Variants in ABCB5 observed in about 807,000 individuals in gnomAD.
ABCB5 encodes the protein ATP-binding cassette sub-family B member 5.
ABCB5 carries 155 observed loss-of-function variants against 144.2 expected under a neutral mutation model. The ratio of observed to expected loss-of-function variants is 1.08; its 90% CI spans 0.94 to 1.23. ABCB5 has a LOEUF of 1.23. ABCB5 is among the 50% of genes most tolerant of loss of function. The probability of loss-of-function intolerance (pLI) is 0.00; values close to 1 mark genes in which losing one functional copy is unlikely to be tolerated. For synonymous variants in ABCB5, 610 were observed against 528.6 expected (o/e 1.15, Z -2.11); for missense variants, 1,830 against 1,520.8 (o/e 1.20, Z -3.38).
chr7:20,685,610 A>G (rs1785967236), intron 15 of ABCB5, 86 bp from the exon 16 acceptor site: 3 of 1,243,022 alleles, frequency 2.4e-6, no homozygotes, highest in East Asian at 5.1e-5. Flanking sequence ...AGCAAAGGCG[A>G]TAACAGCTTT....
intron 26 of ABCB5, among the ~76,000 whole-genome samples, chr7:20,747,914 C>G (rs1321981741): frequency 6.6e-6 from 1 of 152,116 alleles, no homozygotes. Flanking sequence ...ATAAGGCTGC[C>G]CTCTTATGCT....
chr7:20,743,210 C>A, intron 25 of ABCB5, 136 bp downstream of exon 25: 2 of 868,002 alleles, frequency 2.3e-6, no homozygotes, highest in Non-Finnish European at 3.5e-6. Context: ...ATCTCTGTGT[C>A]AACCCTTAAC....
At chr7:20,667,814 C>T (rs1319089651) in intron 14 of ABCB5, among the ~76,000 whole-genome samples, 12 of 150,972 alleles carry the variant, frequency 7.9e-5, no homozygotes, top group African/African-American at 2.9e-4. Context: ...CTCACTGCAA[C>T]CTCCCTGCCT....
rs541827785 is a variant in ABCB5 at position 20,647,643 on chromosome 7, G to C, written c.1090G>C (p.Asp364His). The C allele has an allele frequency of 2.6e-6, 4 of 1,563,990 alleles. No homozygotes were observed. Among genetic ancestry groups the C allele is most frequent in the Non-Finnish European group, 2.6e-6 (3 of 1,152,882 alleles). Reference protein sequence around the residue: ...GAAFHIFQVIDKKPSIDNFST... With the variant: ...GAAFHIFQVIHKKPSIDNFST... ...TGCCTTTCATATTTTCCAGGTTATT[G>C]ATAAGGTAAGACCTCTTATTGCTTT... Residue 364 changes from aspartate to histidine, a missense_variant, in exon 10 of 28, where the codon GAT (aspartate) becomes CAT (histidine). Asp to His is a moderately conservative substitution (Grantham distance 81, BLOSUM62 -1). Transcript: ENST00000404938.
chr7:20,655,334 G>C lies in ABCB5; in HGVS notation c.1537-3172G>C, dbSNP rs574823224. 3.9e-4 allele frequency among the ~76,000 whole-genome samples: 60 copies of C among 152,120 alleles called. No individual in the cohort carries two copies. The South Asian group carries it at 8.3e-3, about 21-fold the overall frequency. On this transcript the variant is annotated intron_variant, in intron 13 of 27. Transcript: ENST00000404938. ...TAAAAATACAAAAAATTAGCTGGGT[G>C]TGGTGGTGCACACCTGTAATCCCAG...
intron 16 of ABCB5, among the ~76,000 whole-genome samples, chr7:20,695,082 T>A (rs563825711): frequency 1.2e-4 from 19 of 152,114 alleles, no homozygotes; most frequent in African/African-American, 2.9e-4. Context: ...AAATTTTTTT[T>A]AAAAAGAGCA....
chr7:20,720,923 G>A (rs1159269357), intron 20 of ABCB5, among the ~76,000 whole-genome samples: 7 of 114,418 alleles, frequency 6.1e-5, no homozygotes, highest in East Asian at 3.0e-4. Flanking sequence ...CAGCCTGGGC[G>A]ACAGAGCGAA....
intron 24 of ABCB5, among the ~76,000 whole-genome samples, chr7:20,741,145 G>T (rs2128054923): frequency 6.6e-6 from 1 of 151,056 alleles, no homozygotes. Flanking sequence ...AACAAAATTG[G>T]CAAATATTGA....
At chr7:20,684,236 G>A (rs1785918864) in intron 15 of ABCB5, among the ~76,000 whole-genome samples, 2 of 152,134 alleles carry the variant, frequency 1.3e-5, no homozygotes, top group South Asian at 2.1e-4. Context: ...TTATATACAT[G>A]TATATTGCTT....
At chr7:20,674,382 T>C (rs1440198875) in intron 14 of ABCB5, among the ~76,000 whole-genome samples, 1 of 151,852 alleles carries the variant, frequency 6.6e-6, no homozygotes, top group Non-Finnish European at 1.5e-5. Context: ...TGATATAGAG[T>C]TTTAGCCTGA....
chr7:20,663,818 C>A (rs1422828082), intron 14 of ABCB5, among the ~76,000 whole-genome samples: 2 of 149,740 alleles, frequency 1.3e-5, no homozygotes, highest in African/African-American at 4.9e-5. Flanking sequence ...CAGGTTCAAG[C>A]GATTCTCCTG....
intron 23 of ABCB5, among the ~76,000 whole-genome samples, chr7:20,732,466 C>T (rs1782251675): frequency 6.6e-6 from 1 of 152,118 alleles, no homozygotes; most frequent in Non-Finnish European, 1.5e-5. Context: ...ACTGATGTTT[C>T]CCAAAAGCCA....
intron 5 of ABCB5, among the ~76,000 whole-genome samples, chr7:20,638,941 T>G (rs1009129267): frequency 1.3e-5 from 2 of 152,214 alleles, no homozygotes; most frequent in African/African-American, 4.8e-5. Flanking sequence ...GCCAAACTGT[T>G]TTTTCAAAGT....
At position 20,624,766 on chromosome 7, in the gene ABCB5, T is replaced by G. The variant is rs188790709; in HGVS notation, c.53+1428T>G. 1.3e-3 allele frequency among the ~76,000 whole-genome samples: 195 copies of G among 152,268 alleles called. 1 individual carries two copies. Among genetic ancestry groups the G allele is most frequent in the Non-Finnish European group, 4.4e-5 (3 of 68,024 alleles). On this transcript the variant is annotated intron_variant, in intron 2 of 27. Transcript: ENST00000404938. ...GGCCACCAACATCGCTAAGATCCCC[T>G]CCAGCTTGAAAACCAGCAACGGGCA... is the stretch of plus-strand genomic sequence containing the variant.
chr7:20,731,369 A>AAAAAAAATATATATATAT (rs57305244), intron 23 of ABCB5, among the ~76,000 whole-genome samples: 9 of 123,104 alleles, frequency 7.3e-5, no homozygotes, highest in African/African-American at 3.0e-4. Flanking sequence ...AAAAAAAAAA[A>AAAAAAAATATATATATAT]ATATATATAT....
chr7:20,669,130 C>G (rs1403805530), intron 14 of ABCB5, among the ~76,000 whole-genome samples: 1 of 150,852 alleles, frequency 6.6e-6, no homozygotes, highest in Admixed American at 6.6e-5. Context: ...ACCCGGCCAG[C>G]TGCCCCATCC....
chr7:20,622,880 T>C (rs1330430806), intron 1 of ABCB5, among the ~76,000 whole-genome samples: 1 of 152,102 alleles, frequency 6.6e-6, no homozygotes, highest in Non-Finnish European at 1.5e-5. Context: ...CATCAGTTTT[T>C]TAAAGAGAAA....
chr7:20,615,877 T>A (rs1024274716), intron 1 of ABCB5, 40 bp downstream of exon 1: 2 of 152,262 alleles, frequency 1.3e-5, no homozygotes, highest in African/African-American at 4.8e-5. Flanking sequence ...TGAAAACAAT[T>A]GAAGCTTGTG....
chr7:20,695,949 G>A (rs754051896), intron 16 of ABCB5, among the ~76,000 whole-genome samples: 4 of 151,996 alleles, frequency 2.6e-5, no homozygotes, highest in Non-Finnish European at 4.4e-5. Flanking sequence ...TGCAACTGGA[G>A]CTTATTTAGC....
Sources: gnomAD v4.1 joint callset for allele counts (sites outside exome capture counted in the v4.1 genomes callset) on GRCh38, gnomAD v4.1.1 for gene constraint, MANE v1.5 for transcripts, NCBI Gene and HGNC (gene_info 2026-07-23, HGNC 2026-07-21) for gene names.